MIPOL1: variants seen among roughly 807,000 people sequenced by gnomAD.
The protein encoded by MIPOL1 is mirror-image polydactyly 1.
Under a neutral mutation model 60.9 loss-of-function variants are expected in MIPOL1, and 57 were observed. The ratio of observed to expected loss-of-function variants is 0.94; its 90% confidence interval spans 0.76 to 1.17. The LOEUF (loss-of-function observed/expected upper bound fraction) is 1.17. Among genes scored for constraint, MIPOL1 ranks in the 50% most tolerant of loss-of-function variants. The pLI is 0.00. For missense variants in MIPOL1, 551 were observed against 511.6 expected, an observed-to-expected ratio of 1.08 and a Z score of -0.74; for synonymous variants, 179 against 168.8, an observed-to-expected ratio of 1.06 and a Z score of -0.47.
chr14:37,526,581 C>G (rs1225916569), intron 12 of MIPOL1, among the ~76,000 whole-genome samples: 3 of 149,682 alleles, frequency 2.0e-5, no homozygotes, highest in Non-Finnish European at 3.0e-5. Flanking sequence ...CGGGGTTTCA[C>G]CGTTTTAGCC....
chr14:37,492,609 T>C (rs1406296986), intron 11 of MIPOL1, among the ~76,000 whole-genome samples: 1 of 152,218 alleles, frequency 6.6e-6, no homozygotes, highest in African/African-American at 2.4e-5. Flanking sequence ...ATGATTTCCA[T>C]GATATTTTTC....
intron 12 of MIPOL1, among the ~76,000 whole-genome samples, chr14:37,520,526 C>T (rs1451782862): frequency 6.6e-6 from 1 of 152,144 alleles, no homozygotes; most frequent in East Asian, 1.9e-4. Context: ...CTTCCTCCAT[C>T]ATTAATTGAA....
chr14:37,447,025 GT>G (rs1366533364), intron 11 of MIPOL1, among the ~76,000 whole-genome samples: 1 of 151,776 alleles, frequency 6.6e-6, no homozygotes, highest in Non-Finnish European at 1.5e-5. Context: ...GTATACATAT[GT>G]AACTAACCTG....
chr14:37,416,712 A>G (rs1194990571), intron 10 of MIPOL1, among the ~76,000 whole-genome samples: 1 of 152,196 alleles, frequency 6.6e-6, no homozygotes, highest in Non-Finnish European at 1.5e-5. Flanking sequence ...TCTCCTAGTT[A>G]CCTTGGTCAA....
At chr14:37,345,616 T>C (rs966571915) in intron 9 of MIPOL1, among the ~76,000 whole-genome samples, 9 of 152,192 alleles carry the variant, frequency 5.9e-5, no homozygotes, top group African/African-American at 2.2e-4. Flanking sequence ...CTGTACACTC[T>C]TGTTCCAGAT....
intron 9 of MIPOL1, among the ~76,000 whole-genome samples, chr14:37,312,549 A>G (rs1238099246): frequency 4.6e-5 from 7 of 152,188 alleles, no homozygotes; most frequent in Admixed American, 3.9e-4. Flanking sequence ...GATACACTTG[A>G]TATCTTACTT....
chr14:37,405,646 A>T (rs2093572841), intron 10 of MIPOL1, among the ~76,000 whole-genome samples: 1 of 152,074 alleles, frequency 6.6e-6, no homozygotes, highest in East Asian at 1.9e-4. Context: ...AAAACTGTTC[A>T]TAAATGAGAG....
chr14:37,363,106 T>C (rs1159148581), intron 9 of MIPOL1, among the ~76,000 whole-genome samples: 2 of 152,192 alleles, frequency 1.3e-5, no homozygotes, highest in African/African-American at 2.4e-5. Context: ...TGAAGCCTAC[T>C]TCTGTCAGTT....
intron 12 of MIPOL1, among the ~76,000 whole-genome samples, chr14:37,510,119 A>G (rs1246388525): frequency 5.3e-5 from 8 of 152,034 alleles, no homozygotes; most frequent in African/African-American, 1.9e-4. Flanking sequence ...ATATGTCTAT[A>G]TTATATATAA....
chr14:37,268,903 A>C, intron 5 of MIPOL1, 110 bp downstream of exon 5: 1 of 903,666 alleles, frequency 1.1e-6, no homozygotes. Flanking sequence ...TTAATCATTT[A>C]ACAGTAGCTT....
At chr14:37,323,144 A>T (rs2088788814) in intron 9 of MIPOL1, among the ~76,000 whole-genome samples, 1 of 152,046 alleles carries the variant, frequency 6.6e-6, no homozygotes, top group South Asian at 2.1e-4. Flanking sequence ...TCTTGAGTTA[A>T]TTTTTATATA....
intron 10 of MIPOL1, among the ~76,000 whole-genome samples, chr14:37,392,747 T>C (rs1420894664): frequency 6.6e-6 from 1 of 152,156 alleles, no homozygotes; most frequent in Non-Finnish European, 1.5e-5. Flanking sequence ...TTGAACTCTG[T>C]AGAAGGCTTT....
At chr14:37,434,850 CA>C (rs71127219) in intron 11 of MIPOL1, among the ~76,000 whole-genome samples, 46,254 of 111,592 alleles carry the variant, frequency 0.41, 6,817 homozygotes, top group East Asian at 0.5. Context: ...TTAATCACAG[CA>C]AAAAAAAAAA....
chr14:37,327,456 T>G (rs1207339450), intron 9 of MIPOL1, among the ~76,000 whole-genome samples: 1 of 152,012 alleles, frequency 6.6e-6, no homozygotes, highest in East Asian at 1.9e-4. Context: ...CCCGGCTACT[T>G]TTTGATTTTT....
chr14:37,380,455 C>T (rs1284065420), intron 10 of MIPOL1, among the ~76,000 whole-genome samples: 1 of 152,084 alleles, frequency 6.6e-6, no homozygotes, highest in African/African-American at 2.4e-5. Context: ...TGGATTATAA[C>T]ACCAGGTATA....
chr14:37,509,799 CTACTT>C (rs1190972287), intron 12 of MIPOL1, among the ~76,000 whole-genome samples: 2 of 148,150 alleles, frequency 1.3e-5, no homozygotes, highest in Non-Finnish European at 2.9e-5. Flanking sequence ...GTATATCTAT[CTACTT>C]ATGTATAAGC....
intron 1 of MIPOL1, among the ~76,000 whole-genome samples, chr14:37,210,613 G>A (rs1849829829): frequency 6.6e-6 from 1 of 152,066 alleles, no homozygotes; most frequent in Admixed American, 6.5e-5. Flanking sequence ...TAGAGAATGA[G>A]TTTTGCTGAC....
chr14:37,411,389 A>G (rs547332382), intron 10 of MIPOL1, among the ~76,000 whole-genome samples: 2 of 152,270 alleles, frequency 1.3e-5, no homozygotes, highest in Admixed American at 6.5e-5. Context: ...TGTATTTTAG[A>G]TATTTTCTTT....
At chr14:37,327,677 G>A (rs1463389048) in intron 9 of MIPOL1, among the ~76,000 whole-genome samples, 1 of 152,146 alleles carries the variant, frequency 6.6e-6, no homozygotes, top group Non-Finnish European at 1.5e-5. Context: ...AGTTGACAGG[G>A]TCTCTAGTGT....
Sources: allele counts gnomAD v4.1 joint callset (sites outside exome capture counted in the v4.1 genomes callset), GRCh38; gene constraint gnomAD v4.1.1; transcripts MANE v1.5; gene names NCBI Gene and HGNC (gene_info 2026-07-23, HGNC 2026-07-21).